The following KRCC1 variants were observed in gnomAD, a reference collection of about 807,000 sequenced individuals.
KRCC1 encodes lysine rich coiled-coil 1, also known as lysine-rich coiled-coil protein 1.
In KRCC1, 3 loss-of-function variants were observed where a neutral mutation model predicts 7.4. The ratio of observed to expected loss-of-function variants is 0.40; its 90% CI spans 0.18 to 1.04. The LOEUF (loss-of-function observed/expected upper bound fraction) is 1.04, where lower values mean the gene tolerates loss of function less well. KRCC1 is among the 50% of genes least tolerant of loss of function. KRCC1 has a pLI of 0.33. For synonymous variants in KRCC1, 102 were observed against 101.6 expected (o/e 1.00, Z -0.02); for missense variants, 277 against 300.9 (o/e 0.92, Z 0.59).
At chr2:88,046,961 G>A (rs1429389334) in intron 1 of KRCC1, among the ~76,000 whole-genome samples, 4 of 152,082 alleles carry the variant, frequency 2.6e-5, no homozygotes, top group South Asian at 2.1e-4. Context: ...GGCATGAGCC[G>A]CCATGCCCAG....
At chr2:88,050,159 G>T (rs775504555) in intron 1 of KRCC1, among the ~76,000 whole-genome samples, 1 of 152,120 alleles carries the variant, frequency 6.6e-6, no homozygotes, top group Admixed American at 6.5e-5. Flanking sequence ...CTTAAGAAGG[G>T]TTATTAGCTA....
chr2:88,031,614 T>TC (rs1409780776), intron 3 of KRCC1, among the ~76,000 whole-genome samples: 1 of 150,410 alleles, frequency 6.6e-6, no homozygotes, highest in Non-Finnish European at 1.5e-5. Flanking sequence ...AGAGTGAGAC[T>TC]CCATCTCAAA....
At chr2:88,045,976 G>A (rs535546156) in intron 1 of KRCC1, among the ~76,000 whole-genome samples, 1 of 152,202 alleles carries the variant, frequency 6.6e-6, no homozygotes, top group Non-Finnish European at 1.5e-5. Context: ...CACCGTGCCC[G>A]GCCTGAATTG....
intron 1 of KRCC1, among the ~76,000 whole-genome samples, chr2:88,040,719 T>C (rs1673192998): frequency 6.6e-6 from 1 of 152,192 alleles, no homozygotes; most frequent in Non-Finnish European, 1.5e-5. Flanking sequence ...ATTGTTAATA[T>C]TGAGGAATTC....
intron 3 of KRCC1, 59 bp downstream of exon 3, chr2:88,034,075 T>A (rs1673047286): frequency 6.6e-6 from 1 of 152,626 alleles, no homozygotes; most frequent in Non-Finnish European, 1.5e-5. Flanking sequence ...AAGAAGCCAG[T>A]TCCAAAGGAC....
intron 3 of KRCC1, among the ~76,000 whole-genome samples, chr2:88,033,845 A>G (rs2104607521): frequency 6.6e-6 from 1 of 152,366 alleles, no homozygotes; most frequent in South Asian, 2.1e-4. Flanking sequence ...TATAGCCAAA[A>G]GAATGAAAAC....
At chr2:88,038,822 C>A (rs1673146153) in intron 1 of KRCC1, among the ~76,000 whole-genome samples, 1 of 152,132 alleles carries the variant, frequency 6.6e-6, no homozygotes, top group Non-Finnish European at 1.5e-5. Flanking sequence ...ATCATAAGAA[C>A]AACATGGGGG....
Position 88,028,653 on chromosome 2 carries a change from T to TC in KRCC1, c.-22-69_-22-68insG, listed in dbSNP as rs878868701. 5.8e-6 allele frequency: 5 copies of TC among 857,790 alleles called. No individual in the cohort carries two copies. In the African/African-American group the frequency reaches 8.6e-5, roughly 15 times the overall value. The allele number at this position is 857,790 out of a possible 1,614,324, so 53.1% of individuals were successfully genotyped here. ...GAGCATTTCCTTTGCTCTTTTTTTT[T>TC]TTTTTTTTTTTCTTGAGATGGCGTC... On this transcript the variant is annotated intron_variant, in intron 3 of 3. Coordinates refer to ENST00000347055, the MANE Select transcript of KRCC1 (RefSeq NM_016618.3).
At chr2:88,029,017 T>C (rs565737482) in intron 3 of KRCC1, among the ~76,000 whole-genome samples, 52 of 152,278 alleles carry the variant, frequency 3.4e-4, no homozygotes, top group African/African-American at 1.1e-3. Flanking sequence ...TATTTCAGCA[T>C]AAAAGCTGAG....
At chr2:88,032,755 C>T (rs1471876240) in intron 3 of KRCC1, among the ~76,000 whole-genome samples, 1 of 152,282 alleles carries the variant, frequency 6.6e-6, no homozygotes, top group East Asian at 1.9e-4. Flanking sequence ...ATACACATGA[C>T]GTGAGTGAAT....
chr2:88,035,989 A>G lies in KRCC1; in HGVS notation c.-182+954T>C, dbSNP rs185463798. Among the ~76,000 whole-genome samples, 5 of 152,322 alleles carry G rather than the reference A, an allele frequency of 3.3e-5. No homozygotes were observed. The East Asian group carries it at 9.6e-4, about 29-fold the overall frequency. ...TGCTCAGCAATTAATGGTGGAGTCA[A>G]GGCTTGAATCCAAGTTCTCTCAATC... is the stretch of plus-strand genomic sequence containing the variant. On this transcript the variant is annotated intron_variant, in intron 2 of 3. Coordinates refer to ENST00000347055, the MANE Select transcript of KRCC1 (RefSeq NM_016618.3).
chr2:88,049,745 T>A, intron 1 of KRCC1, among the ~76,000 whole-genome samples: 1 of 152,280 alleles, frequency 6.6e-6, no homozygotes, highest in East Asian at 1.9e-4. Flanking sequence ...CATTTTAACA[T>A]GCTTAGTTAA....
chr2:88,038,901 T>C (rs1673147811), intron 1 of KRCC1, among the ~76,000 whole-genome samples: 2 of 152,178 alleles, frequency 1.3e-5, no homozygotes, highest in South Asian at 4.1e-4. Context: ...GGGATTACAA[T>C]TCATTATGAG....
intron 1 of KRCC1, among the ~76,000 whole-genome samples, chr2:88,045,242 T>C (rs529124975): frequency 2.0e-5 from 3 of 152,278 alleles, no homozygotes; most frequent in African/African-American, 7.2e-5. Context: ...AACTGTGTAT[T>C]TGACATGAAA....
intron 3 of KRCC1, among the ~76,000 whole-genome samples, chr2:88,030,543 T>A (rs1255816181): frequency 1.3e-5 from 2 of 152,004 alleles, no homozygotes; most frequent in Admixed American, 1.3e-4. Context: ...AATAAGCACA[T>A]GAAAAGATGT....
chr2:88,042,116 A>G (rs1163510107), intron 1 of KRCC1, among the ~76,000 whole-genome samples: 1 of 143,940 alleles, frequency 6.9e-6, no homozygotes, highest in Non-Finnish European at 1.5e-5. Flanking sequence ...ACTGGAGTGC[A>G]GTGGCACAAT....
At chr2:88,053,355 T>C (rs1458498944) in intron 1 of KRCC1, among the ~76,000 whole-genome samples, 1 of 151,994 alleles carries the variant, frequency 6.6e-6, no homozygotes, top group Non-Finnish European at 1.5e-5. Flanking sequence ...TTTTAAAGTC[T>C]TTTGCACATA....
intron 1 of KRCC1, among the ~76,000 whole-genome samples, chr2:88,037,571 G>C (rs1673117182): frequency 6.6e-6 from 1 of 152,122 alleles, no homozygotes; most frequent in Non-Finnish European, 1.5e-5. Context: ...ACTGTACCTG[G>C]CTAATTTTTG....
At chr2:88,035,164 C>T (rs1268505370) in intron 2 of KRCC1, among the ~76,000 whole-genome samples, 2 of 152,158 alleles carry the variant, frequency 1.3e-5, no homozygotes, top group African/African-American at 4.8e-5. Flanking sequence ...GTAGATAATC[C>T]TATGATTAGA....
Sources: gnomAD v4.1 joint callset for allele counts (sites outside exome capture counted in the v4.1 genomes callset) on GRCh38, gnomAD v4.1.1 for gene constraint, MANE v1.5 for transcripts, NCBI Gene and HGNC (gene_info 2026-07-23, HGNC 2026-07-21) for gene names.